ZDHHC14: variants seen among roughly 807,000 people sequenced by gnomAD.
ZDHHC14 encodes palmitoyltransferase ZDHHC14.
ZDHHC14 carries 16 observed loss-of-function variants against 47.7 expected under a neutral mutation model. The observed-to-expected ratio is 0.34, with a 90% CI of 0.23 to 0.51. The LOEUF is 0.51. Ranked by LOEUF, ZDHHC14 falls within the 20% of genes least tolerant of loss-of-function variation. ZDHHC14 has a pLI of 0.97. For synonymous variants in ZDHHC14, 293 were observed against 278.9 expected, an observed-to-expected ratio of 1.05 and a Z score of -0.50; for missense variants, 515 against 662.5, an observed-to-expected ratio of 0.78 and a Z score of 2.44.
intron 1 of ZDHHC14, among the ~76,000 whole-genome samples, chr6:157,409,909 A>C (rs1023234382): frequency 6.6e-6 from 1 of 151,798 alleles, no homozygotes; most frequent in African/African-American, 2.4e-5. Flanking sequence ...GCTCACTGCA[A>C]CCTCTGCCTC....
chr6:157,416,807 A>AT (rs5881208), intron 1 of ZDHHC14, among the ~76,000 whole-genome samples: 60,735 of 137,312 alleles, frequency 0.44, 14,538 homozygotes, highest in Middle Eastern at 0.56. Flanking sequence ...TTGTTAGCAA[A>AT]TTTTTTTTTT....
At chr6:157,460,805 G>A (rs1161121973) in intron 1 of ZDHHC14, among the ~76,000 whole-genome samples, 1 of 152,192 alleles carries the variant, frequency 6.6e-6, no homozygotes, top group East Asian at 1.9e-4. Flanking sequence ...ATGGGTTAGA[G>A]ACAGCAGGCG....
At chr6:157,390,183 T>G (rs967181182) in intron 1 of ZDHHC14, among the ~76,000 whole-genome samples, 4 of 152,216 alleles carry the variant, frequency 2.6e-5, no homozygotes, top group Non-Finnish European at 4.4e-5. Flanking sequence ...GAATTCTAGG[T>G]TGATAGTCTT....
chr6:157,624,892 T>G (rs931623512), intron 3 of ZDHHC14, among the ~76,000 whole-genome samples: 5 of 152,154 alleles, frequency 3.3e-5, no homozygotes, highest in African/African-American at 1.2e-4. Context: ...GAGCAGAGAT[T>G]TAGTCCTTAC....
intron 1 of ZDHHC14, among the ~76,000 whole-genome samples, chr6:157,431,832 C>T (rs1382268642): frequency 1.3e-5 from 2 of 151,396 alleles, no homozygotes; most frequent in Non-Finnish European, 2.9e-5. Flanking sequence ...TGTGCTCAGG[C>T]GATCCTCCCA....
intron 2 of ZDHHC14, among the ~76,000 whole-genome samples, chr6:157,564,443 T>C (rs1277075878): frequency 1.3e-5 from 2 of 152,236 alleles, no homozygotes; most frequent in African/African-American, 2.4e-5. Flanking sequence ...ATGTTATGAA[T>C]ACATTTTTTA....
chr6:157,584,830 A>G (rs1261691677), intron 2 of ZDHHC14, among the ~76,000 whole-genome samples: 2 of 152,142 alleles, frequency 1.3e-5, no homozygotes, highest in Non-Finnish European at 2.9e-5. Flanking sequence ...AACGTCCACC[A>G]ATTGGTTGGG....
intron 2 of ZDHHC14, among the ~76,000 whole-genome samples, chr6:157,580,767 G>T (rs960076160): frequency 6.6e-6 from 1 of 151,254 alleles, no homozygotes; most frequent in Non-Finnish European, 1.5e-5. Context: ...GGGGTAAGTG[G>T]TAATGCCCCC....
At chr6:157,417,830 T>G (rs942829939) in intron 1 of ZDHHC14, among the ~76,000 whole-genome samples, 2 of 151,902 alleles carry the variant, frequency 1.3e-5, no homozygotes, top group Admixed American at 1.3e-4. Context: ...TGCGGGTGCC[T>G]GTAGTCCCAG....
intron 1 of ZDHHC14, among the ~76,000 whole-genome samples, chr6:157,533,369 G>T (rs1437463477): frequency 2.0e-5 from 3 of 152,166 alleles, no homozygotes; most frequent in Non-Finnish European, 4.4e-5. Context: ...GGTTGGGGTT[G>T]GTGGAGACGG....
chr6:157,583,735 T>G (rs1783594843), intron 2 of ZDHHC14, among the ~76,000 whole-genome samples: 1 of 152,098 alleles, frequency 6.6e-6, no homozygotes, highest in Non-Finnish European at 1.5e-5. Flanking sequence ...GATCTCGGCT[T>G]GGCACTCCCA....
chr6:157,399,927 C>A (rs1016878985), intron 1 of ZDHHC14, among the ~76,000 whole-genome samples: 4 of 152,190 alleles, frequency 2.6e-5, no homozygotes, highest in Non-Finnish European at 5.9e-5. Context: ...TACTCAGAAC[C>A]ATTTGTGTTG....
intron 1 of ZDHHC14, among the ~76,000 whole-genome samples, chr6:157,497,526 C>A (rs890445229): frequency 1.2e-4 from 18 of 152,096 alleles, no homozygotes; most frequent in African/African-American, 4.3e-4. Flanking sequence ...CCAGTGTGAA[C>A]CCCACAAGGA....
intron 1 of ZDHHC14, among the ~76,000 whole-genome samples, chr6:157,472,683 A>G (rs1386166912): frequency 1.3e-5 from 2 of 152,224 alleles, no homozygotes; most frequent in Non-Finnish European, 2.9e-5. Flanking sequence ...GATTGAAAGC[A>G]CATGCTCTAG....
At chr6:157,489,974 G>A (rs1355185650) in intron 1 of ZDHHC14, among the ~76,000 whole-genome samples, 1 of 152,222 alleles carries the variant, frequency 6.6e-6, no homozygotes, top group Non-Finnish European at 1.5e-5. Context: ...ACTGGAGAGA[G>A]AGGACAGTCA....
intron 5 of ZDHHC14, among the ~76,000 whole-genome samples, chr6:157,635,121 G>A (rs1004257675): frequency 1.3e-5 from 2 of 152,146 alleles, no homozygotes; most frequent in Non-Finnish European, 2.9e-5. Flanking sequence ...AGCCTCCTGA[G>A]TAGCTGGGAT....
chr6:157,539,515 C>T (rs1388556679), intron 1 of ZDHHC14, among the ~76,000 whole-genome samples: 3 of 152,116 alleles, frequency 2.0e-5, no homozygotes, highest in Non-Finnish European at 4.4e-5. Context: ...GGCAAAACAG[C>T]GTGGAAGGAA....
intron 3 of ZDHHC14, among the ~76,000 whole-genome samples, chr6:157,611,147 G>A (rs1159294042): frequency 3.9e-5 from 6 of 152,004 alleles, no homozygotes; most frequent in East Asian, 1.9e-4. Flanking sequence ...CTATAGGCAC[G>A]CGCCACCATG....
At chr6:157,665,633 G>A (rs527924207) in intron 8 of ZDHHC14, among the ~76,000 whole-genome samples, 25 of 152,220 alleles carry the variant, frequency 1.6e-4, no homozygotes, top group African/African-American at 4.1e-4. Context: ...ATAATTTTAC[G>A]TCTAGATAAG....
Sources: gnomAD v4.1 joint callset for allele counts (sites outside exome capture counted in the v4.1 genomes callset) on GRCh38, gnomAD v4.1.1 for gene constraint, MANE v1.5 for transcripts, NCBI Gene and HGNC (gene_info 2026-07-23, HGNC 2026-07-21) for gene names.